Variants in CNTNAP2 observed in about 807,000 individuals in gnomAD.
CNTNAP2 encodes contactin associated protein 2.
CNTNAP2 carries 98 observed loss-of-function variants against 155.2 expected under a neutral mutation model. That is an observed-to-expected ratio of 0.63 (90% CI 0.54 to 0.75). CNTNAP2 has a LOEUF of 0.75. Among genes scored for constraint, CNTNAP2 ranks in the 30% least tolerant of loss-of-function variants. The pLI is 0.00. For missense variants in CNTNAP2, 1,727 were observed against 1,688.1 expected (o/e 1.02, Z -0.40); for synonymous variants, 651 against 631.2 (o/e 1.03, Z -0.47).
intron 14 of CNTNAP2, among the ~76,000 whole-genome samples, chr7:147,961,017 A>G (rs1801111435): frequency 6.6e-6 from 1 of 152,174 alleles, no homozygotes; most frequent in Admixed American, 6.5e-5. Flanking sequence ...TATAGATTAG[A>G]GAAGTCCAGT....
intron 15 of CNTNAP2, among the ~76,000 whole-genome samples, chr7:148,035,180 C>T (rs948050895): frequency 6.6e-6 from 1 of 152,176 alleles, no homozygotes; most frequent in Non-Finnish European, 1.5e-5. Context: ...AATCTGTGGC[C>T]TGGCCATGTA....
At chr7:148,103,296 C>A (rs1017041114) in intron 15 of CNTNAP2, among the ~76,000 whole-genome samples, 1 of 151,392 alleles carries the variant, frequency 6.6e-6, no homozygotes, top group Non-Finnish European at 1.5e-5. Context: ...TGACTTTTCC[C>A]TTTGGCTTAG....
chr7:147,471,680 C>CA (rs1306417077), intron 10 of CNTNAP2, among the ~76,000 whole-genome samples: 1 of 152,178 alleles, frequency 6.6e-6, no homozygotes, highest in African/African-American at 2.4e-5. Flanking sequence ...AGAACTTCTT[C>CA]AACCATTACT....
intron 1 of CNTNAP2, among the ~76,000 whole-genome samples, chr7:146,148,739 T>C (rs1797990950): frequency 6.6e-6 from 1 of 152,160 alleles, no homozygotes; most frequent in South Asian, 2.1e-4. Context: ...TGTATAAGAA[T>C]ATAGCATTCT....
At chr7:148,241,879 C>G (rs1796164116) in intron 20 of CNTNAP2, among the ~76,000 whole-genome samples, 1 of 152,174 alleles carries the variant, frequency 6.6e-6, no homozygotes, top group African/African-American at 2.4e-5. Context: ...TCCATTCCTA[C>G]ACTCCAGAAA....
chr7:147,314,147 G>A (rs1191134119), intron 9 of CNTNAP2, among the ~76,000 whole-genome samples: 1 of 152,100 alleles, frequency 6.6e-6, no homozygotes, highest in Non-Finnish European at 1.5e-5. Flanking sequence ...AAGAAATTTT[G>A]TAAGACTTTT....
chr7:146,535,317 T>C (rs1584969202), intron 1 of CNTNAP2, among the ~76,000 whole-genome samples: 1 of 63,570 alleles, frequency 1.6e-5, no homozygotes, highest in Admixed American at 2.1e-4. Context: ...TATTATATCA[T>C]ATATATTATA....
chr7:147,193,923 G>A (rs193114067), intron 8 of CNTNAP2, among the ~76,000 whole-genome samples: 308 of 151,968 alleles, frequency 2.0e-3, no homozygotes, highest in African/African-American at 7.1e-3. Context: ...AGCATTAGAA[G>A]GAATGAATGC....
intron 12 of CNTNAP2, among the ~76,000 whole-genome samples, chr7:147,587,276 G>A (rs1401002212): frequency 5.3e-5 from 8 of 152,202 alleles, no homozygotes; most frequent in South Asian, 2.1e-4. Flanking sequence ...AAGACAAGAC[G>A]CAGGTCTAGA....
chr7:148,159,372 G>A (rs368117416), intron 17 of CNTNAP2, among the ~76,000 whole-genome samples: 29 of 152,022 alleles, frequency 1.9e-4, no homozygotes, highest in East Asian at 5.8e-4. Flanking sequence ...GTGGAAATTC[G>A]TGTTGTCTCT....
Position 147,154,863 on chromosome 7 carries a change from CAT to C in CNTNAP2, c.1348+22358_1348+22359del, listed in dbSNP as rs961974818. Among the ~76,000 whole-genome samples, 53 of 151,398 alleles carry C rather than the reference CAT, an allele frequency of 3.5e-4. 1 individual carries two copies. The highest frequency in any genetic ancestry group is 1.2e-3 in the African/African-American group (48 of 41,294). On this transcript the variant is annotated intron_variant, in intron 8 of 23. Transcript: ENST00000361727. ...GATAGAAAAAAAAAAGAAACAAAAA[CAT>C]ATAGTTAGATTATGTCTTCGATTCA...
At chr7:147,194,213 A>G (rs1802738308) in intron 8 of CNTNAP2, among the ~76,000 whole-genome samples, 1 of 152,086 alleles carries the variant, frequency 6.6e-6, no homozygotes, top group African/African-American at 2.4e-5. Context: ...TAGTTTGCTG[A>G]GAATGATGGC....
chr7:147,766,326 G>A (rs1357378091), intron 13 of CNTNAP2, among the ~76,000 whole-genome samples: 2 of 152,020 alleles, frequency 1.3e-5, no homozygotes, highest in African/African-American at 4.8e-5. Context: ...ATTCTATTAT[G>A]AATAATGCTT....
intron 13 of CNTNAP2, among the ~76,000 whole-genome samples, chr7:147,735,531 A>G (rs974493553): frequency 2.1e-4 from 32 of 152,254 alleles, no homozygotes; most frequent in African/African-American, 7.2e-4. Context: ...GTAGATGTCT[A>G]TTAGGTCCAC....
At chr7:148,194,153 G>GTA (rs553648246) in intron 18 of CNTNAP2, among the ~76,000 whole-genome samples, 1,713 of 150,804 alleles carry the variant, frequency 0.011, 38 homozygotes, top group African/African-American at 0.04. Flanking sequence ...GTGTGTGTGT[G>GTA]TGTGTGTGTG....
intron 20 of CNTNAP2, 36 bp from the exon 21 acceptor site, chr7:148,266,997 G>A (rs779847875): frequency 9.4e-6 from 15 of 1,588,676 alleles, no homozygotes; most frequent in Middle Eastern, 1.7e-4. Context: ...GGGTAGAGAC[G>A]TGCTTCTAAA....
At chr7:146,265,071 C>T (rs1449250805) in intron 1 of CNTNAP2, among the ~76,000 whole-genome samples, 1 of 152,076 alleles carries the variant, frequency 6.6e-6, no homozygotes, top group African/African-American at 2.4e-5. Flanking sequence ...TAAAAGTGAA[C>T]ATTGTGTGAG....
At chr7:147,855,489 T>A (rs1209418149) in intron 13 of CNTNAP2, among the ~76,000 whole-genome samples, 2 of 152,090 alleles carry the variant, frequency 1.3e-5, no homozygotes, top group Non-Finnish European at 2.9e-5. Context: ...ACATTAACTA[T>A]TAAAATTACA....
At chr7:147,083,988 A>G (rs1800211149) in intron 4 of CNTNAP2, among the ~76,000 whole-genome samples, 1 of 131,784 alleles carries the variant, frequency 7.6e-6, no homozygotes, top group African/African-American at 2.7e-5. Context: ...ACATATATGT[A>G]TATATAATAC....
Sources: allele counts gnomAD v4.1 joint callset (sites outside exome capture counted in the v4.1 genomes callset), GRCh38; gene constraint gnomAD v4.1.1; transcripts MANE v1.5; gene names NCBI Gene and HGNC (gene_info 2026-07-23, HGNC 2026-07-21).